The following PRKAG2 variants were observed in gnomAD, a reference collection of about 807,000 sequenced individuals.
The protein encoded by PRKAG2 is 5'-AMP-activated protein kinase subunit gamma-2.
Under a neutral mutation model 69.6 loss-of-function variants are expected in PRKAG2, and 26 were observed. The observed-to-expected ratio is 0.37, with a 90% confidence interval of 0.27 to 0.52. The LOEUF is 0.52. Ranked by LOEUF, PRKAG2 falls within the 20% of genes least tolerant of loss-of-function variation. The pLI, the probability that PRKAG2 is intolerant of heterozygous loss-of-function variation, is 0.90. For missense variants in PRKAG2, 557 were observed against 740.0 expected (o/e 0.75, Z 2.87); for synonymous variants, 293 against 285.0 (o/e 1.03, Z -0.28).
chr7:151,629,126 T>G (rs1045715424), intron 5 of PRKAG2, among the ~76,000 whole-genome samples: 2 of 152,146 alleles, frequency 1.3e-5, no homozygotes, highest in African/African-American at 4.8e-5. Context: ...CCTTGGATTG[T>G]GTTAGCTGCT....
chr7:151,605,571 T>C (rs1162649600), intron 5 of PRKAG2, among the ~76,000 whole-genome samples: 2 of 151,148 alleles, frequency 1.3e-5, no homozygotes, highest in South Asian at 4.2e-4. Flanking sequence ...ACCCCGTCTC[T>C]ACTAAAAATA....
intron 5 of PRKAG2, among the ~76,000 whole-genome samples, chr7:151,620,401 C>T (rs1480503137): frequency 2.6e-5 from 4 of 152,084 alleles, no homozygotes; most frequent in South Asian, 2.1e-4. Flanking sequence ...GCCTCAAACT[C>T]CTGGGCTCAA....
intron 4 of PRKAG2, among the ~76,000 whole-genome samples, chr7:151,637,892 A>C (rs1175238182): frequency 1.3e-5 from 2 of 152,170 alleles, no homozygotes; most frequent in Admixed American, 6.5e-5. Context: ...CAACAGACTT[A>C]TGCCAGACTT....
At chr7:151,795,888 T>TAC (rs1239648234) in intron 1 of PRKAG2, among the ~76,000 whole-genome samples, 22 of 105,468 alleles carry the variant, frequency 2.1e-4, no homozygotes, top group African/African-American at 8.7e-4. Flanking sequence ...TATATATATA[T>TAC]ATCACGATAA....
intron 3 of PRKAG2, among the ~76,000 whole-genome samples, chr7:151,762,123 A>C (rs2075447753): frequency 6.6e-6 from 1 of 152,160 alleles, no homozygotes; most frequent in South Asian, 2.1e-4. Flanking sequence ...TCTGCTGCGC[A>C]CCTCAGCGAG....
At chr7:151,706,180 G>A (rs1585922506) in intron 3 of PRKAG2, among the ~76,000 whole-genome samples, 1 of 152,230 alleles carries the variant, frequency 6.6e-6, no homozygotes, top group Admixed American at 6.5e-5. Context: ...CAGCTGGCTG[G>A]TGTCAGTCAG....
intron 3 of PRKAG2, among the ~76,000 whole-genome samples, chr7:151,763,914 C>A (rs773459141): frequency 2.0e-5 from 3 of 152,268 alleles, no homozygotes; most frequent in African/African-American, 4.8e-5. Context: ...CGGAAACCCG[C>A]AAGCTCTGGA....
intron 1 of PRKAG2, among the ~76,000 whole-genome samples, chr7:151,868,698 G>A (rs1450842233): frequency 6.6e-6 from 1 of 152,210 alleles, no homozygotes; most frequent in Non-Finnish European, 1.5e-5. Flanking sequence ...GAGAACGGGT[G>A]AGCCACATTC....
intron 1 of PRKAG2, among the ~76,000 whole-genome samples, chr7:151,866,787 G>A (rs1298351833): frequency 1.3e-5 from 2 of 152,148 alleles, no homozygotes; most frequent in African/African-American, 4.8e-5. Context: ...GCAAATGGCT[G>A]TGTGGAGCCT....
chr7:151,686,900 A>G (rs1013778449), intron 3 of PRKAG2, among the ~76,000 whole-genome samples: 2 of 152,240 alleles, frequency 1.3e-5, no homozygotes, highest in Admixed American at 6.5e-5. Flanking sequence ...AAGTCAAAGC[A>G]TCATGGTAAT....
chr7:151,837,687 C>T (rs1257744684), intron 1 of PRKAG2, among the ~76,000 whole-genome samples: 1 of 152,132 alleles, frequency 6.6e-6, no homozygotes, highest in Non-Finnish European at 1.5e-5. Flanking sequence ...TCTCAGGGGG[C>T]TCTTAAGCCC....
intron 5 of PRKAG2, among the ~76,000 whole-genome samples, chr7:151,611,503 A>C (rs1818852714): frequency 6.6e-6 from 1 of 152,214 alleles, no homozygotes; most frequent in African/African-American, 2.4e-5. Flanking sequence ...GTAAGTGATG[A>C]GGAAACTGAA....
At position 151,788,400 on chromosome 7, in the gene PRKAG2, C is replaced by T. The variant is rs1441876227; in HGVS notation, c.115-1859G>A. Among the ~76,000 whole-genome samples, 2 of 152,188 alleles carry T rather than the reference C, an allele frequency of 1.3e-5. No individual in the cohort carries two copies. The highest frequency in any genetic ancestry group is 2.9e-5 in the Non-Finnish European group (2 of 68,036). ...ATCTGCTTATCGGCCACTTGTCTAT[C>T]ATCTTTGGAGAAATGTCTATTCAGG... is the stretch of plus-strand genomic sequence containing the variant. On this transcript the variant is annotated intron_variant, in intron 1 of 15. Transcript: ENST00000287878. The surrounding 1 kb of genome is among the most constrained non-coding windows in gnomAD (Gnocchi z 4.6).
intron 1 of PRKAG2, among the ~76,000 whole-genome samples, chr7:151,796,342 C>A (rs188482840): frequency 2.0e-5 from 3 of 152,098 alleles, no homozygotes; most frequent in African/African-American, 7.2e-5. Context: ...CCCAGCTGGA[C>A]GAGAGGACAA....
At chr7:151,715,809 CAAGGCGAAAGGCA>C (rs1406292188) in intron 3 of PRKAG2, among the ~76,000 whole-genome samples, 8 of 151,644 alleles carry the variant, frequency 5.3e-5, no homozygotes, top group African/African-American at 1.9e-4. Context: ...AACAGGTGCT[CAAGGCGAAAGGCA>C]AAGGCAGGAG....
intron 3 of PRKAG2, among the ~76,000 whole-genome samples, chr7:151,779,464 G>A (rs997744386): frequency 9.8e-5 from 15 of 152,322 alleles, no homozygotes; most frequent in Admixed American, 9.8e-4. Flanking sequence ...TGATGTAGAG[G>A]GAGGCGGAGG....
rs2076651257 is a variant in PRKAG2 at position 151,781,219 on chromosome 7, C to T, written c.399G>A (p.Glu133=). The T allele has an allele frequency of 2.5e-6, 4 of 1,614,100 alleles. No homozygotes were observed. The highest frequency in any genetic ancestry group is 3.4e-6 in the Non-Finnish European group (4 of 1,180,048). The change falls in exon 3 of 16, where the codon GAG becomes GAA. Residue 133 remains glutamate, a synonymous_variant. Coordinates refer to ENST00000287878, the MANE Select transcript of PRKAG2 (RefSeq NM_016203.4). The surrounding 1 kb of genome is among the most constrained non-coding windows in gnomAD (Gnocchi z 6.1). Reference sequence around the variant, plus strand: ...TAGCAGGGTTGGAGTTGGGGGAAGACTCTTTGGAGGAGGAGCGGAAGATCC... The same window carrying T: ...TAGCAGGGTTGGAGTTGGGGGAAGATTCTTTGGAGGAGGAGCGGAAGATCC... ...FSGIFRSSSK[E]SSPNSNPATS...
At chr7:151,690,213 A>G (rs1252583815) in intron 3 of PRKAG2, among the ~76,000 whole-genome samples, 2 of 152,192 alleles carry the variant, frequency 1.3e-5, no homozygotes, top group African/African-American at 4.8e-5. Context: ...ACTCATCCCG[A>G]GGGAGGTGGG....
In PRKAG2 at chr7:151,736,012, G is replaced by A. The variant is rs1200387274; in HGVS notation, c.466+45140C>T. 2.0e-6 allele frequency: 3 copies of A among 1,536,174 alleles called. No individual in the cohort carries two copies. The highest frequency in any genetic ancestry group is 2.0e-5 in the Admixed American group (1 of 51,008). ...GCTTCATGGGTAGCTGTGGCCACAG[G>A]AGTGGCGACAGGTGAACATATCAGG... On this transcript the variant is annotated intron_variant, in intron 3 of 15. Coordinates refer to ENST00000287878, the MANE Select transcript of PRKAG2 (RefSeq NM_016203.4).
Sources: gnomAD v4.1 joint callset for allele counts (sites outside exome capture counted in the v4.1 genomes callset) on GRCh38, gnomAD v4.1.1 for gene constraint, Gnocchi (gnomAD v3.1) non-coding constraint, MANE v1.5 for transcripts, NCBI Gene and HGNC (gene_info 2026-07-23, HGNC 2026-07-21) for gene names.